Variants in SGIP1 observed in about 807,000 individuals in gnomAD.
SGIP1 encodes the protein SH3-containing GRB2-like protein 3-interacting protein 1.
A neutral mutation model predicts 107.5 loss-of-function variants in SGIP1; 38 were observed. The ratio of observed to expected loss-of-function variants is 0.35; its 90% CI spans 0.27 to 0.46. The LOEUF (loss-of-function observed/expected upper bound fraction) is 0.46. SGIP1 is among the 20% of genes least tolerant of loss of function. The probability of loss-of-function intolerance (pLI) is 1.00; values close to 1 mark genes in which losing one functional copy is unlikely to be tolerated. For missense variants in SGIP1, 929 were observed against 1,019.5 expected, an observed-to-expected ratio of 0.91 and a Z score of 1.21; for synonymous variants, 365 against 366.1, an observed-to-expected ratio of 1.00 and a Z score of 0.03.
intron 3 of SGIP1, 34 bp downstream of exon 3, chr1:66,633,128 G>A (rs1250615643): frequency 7.0e-7 from 1 of 1,421,102 alleles, no homozygotes. Context: ...TACTGAGTTT[G>A]TGCTTCAATA....
chr1:66,589,104 T>G (rs906193928), intron 1 of SGIP1, among the ~76,000 whole-genome samples: 2 of 146,452 alleles, frequency 1.4e-5, no homozygotes, highest in Non-Finnish European at 3.0e-5. Flanking sequence ...ATGTCATCAT[T>G]AATTTTTTCC....
At chr1:66,654,956 G>A (rs2079453539) in intron 7 of SGIP1, among the ~76,000 whole-genome samples, 1 of 152,084 alleles carries the variant, frequency 6.6e-6, no homozygotes, top group South Asian at 2.1e-4. Flanking sequence ...CCTATTTGAA[G>A]CCCATCTTTA....
chr1:66,565,908 A>G (rs547130191), intron 1 of SGIP1, among the ~76,000 whole-genome samples: 73 of 152,146 alleles, frequency 4.8e-4, no homozygotes, highest in African/African-American at 1.7e-3. Flanking sequence ...AGAAAGTAGA[A>G]AGCAGGAAAT....
chr1:66,534,456 C>A, intron 1 of SGIP1, 88 bp downstream of exon 1: 2 of 1,483,854 alleles, frequency 1.3e-6, no homozygotes, highest in South Asian at 1.1e-5. Context: ...GTGTATGTGG[C>A]GGTTCTAGAA....
At chr1:66,577,786 G>T (rs371546430) in intron 1 of SGIP1, among the ~76,000 whole-genome samples, 354 of 116,064 alleles carry the variant, frequency 3.1e-3, no homozygotes, top group Middle Eastern at 0.014. Flanking sequence ...GTGTGTGTGT[G>T]TGTGTGTGTG....
At chr1:66,617,530 A>G (rs1200956682) in intron 1 of SGIP1, among the ~76,000 whole-genome samples, 1 of 152,228 alleles carries the variant, frequency 6.6e-6, no homozygotes, top group Non-Finnish European at 1.5e-5. Context: ...TGCTGTCAAT[A>G]TGCGGCATTG....
chr1:66,707,124 G>A (rs1163536619), intron 18 of SGIP1, among the ~76,000 whole-genome samples: 1 of 152,092 alleles, frequency 6.6e-6, no homozygotes, highest in African/African-American at 2.4e-5. Context: ...ACAAATATGT[G>A]TGCTGCATTT....
chr1:66,623,355 T>C (rs1006227289), intron 1 of SGIP1, among the ~76,000 whole-genome samples: 3 of 152,074 alleles, frequency 2.0e-5, no homozygotes, highest in African/African-American at 7.2e-5. Context: ...ATTCAAGCAA[T>C]TCTCCCATCT....
rs977861433 is a variant in SGIP1 at position 66,569,786 on chromosome 1, A to G, written c.10+35418A>G. On this transcript the variant is annotated intron_variant, in intron 1 of 24. Transcript: ENST00000371037. ...TTTCTTCTATTTTTTGGAAAATATT[A>G]TAGAAAATTAGAAAATTTTCTTTTC... 3.3e-5 allele frequency among the ~76,000 whole-genome samples: 5 copies of G among 151,992 alleles called. No homozygotes were observed. The East Asian group carries it at 9.7e-4, about 29-fold the overall frequency.
chr1:66,645,962 T>C (rs10159265), intron 7 of SGIP1, among the ~76,000 whole-genome samples: 20,755 of 152,076 alleles, frequency 0.14, 1,456 homozygotes, highest in African/African-American at 0.16. Flanking sequence ...TGCCTCAGCC[T>C]CCCAAGTAGC....
intron 1 of SGIP1, among the ~76,000 whole-genome samples, chr1:66,585,876 A>G (rs1481171425): frequency 6.6e-6 from 1 of 152,160 alleles, no homozygotes; most frequent in East Asian, 1.9e-4. Context: ...TCCAAGTTTA[A>G]TACTGTCTCC....
chr1:66,546,505 C>T (rs2068381), intron 1 of SGIP1, among the ~76,000 whole-genome samples: 37,635 of 152,050 alleles, frequency 0.25, 5,123 homozygotes, highest in African/African-American at 0.36. Context: ...GTTCCTTAAC[C>T]CTTGGTGATC....
intron 20 of SGIP1, 34 bp downstream of exon 20, chr1:66,729,453 A>G: frequency 2.5e-6 from 4 of 1,613,534 alleles, no homozygotes; most frequent in Non-Finnish European, 3.4e-6. Flanking sequence ...TTTCAGAGAT[A>G]CATGTGGCTT....
intron 2 of SGIP1, chr1:66,628,462 C>G: frequency 6.5e-6 from 1 of 154,856 alleles, no homozygotes; most frequent in Middle Eastern, 5.2e-4. Context: ...AGACACTATA[C>G]GAGTCATATA....
At position 66,747,748 on chromosome 1, in the gene SGIP1, T is replaced by C. The variant is rs1468392222; in HGVS notation, c.*4653T>C. 1 of 151,956 alleles carries C rather than the reference T, an allele frequency of 6.6e-6. No individual in the cohort carries two copies. Among genetic ancestry groups the C allele is most frequent in the African/African-American group, 2.4e-5 (1 of 41,432 alleles). The allele number at this position is 151,956 out of a possible 1,614,324, so 9.4% of individuals were successfully genotyped here. ...TTAAATTGAACAATACAGTAGAATATGCAGATACATACTAAACAGATGAGT... is the reference window on the plus strand; with the variant it reads ...TTAAATTGAACAATACAGTAGAATACGCAGATACATACTAAACAGATGAGT... On this transcript the variant is annotated 3_prime_UTR_variant, in exon 25 of 25. Coordinates refer to ENST00000371037, the MANE Select transcript of SGIP1 (RefSeq NM_032291.4).
At chr1:66,709,193 C>G (rs1252401570) in intron 18 of SGIP1, among the ~76,000 whole-genome samples, 1 of 150,676 alleles carries the variant, frequency 6.6e-6, no homozygotes, top group Admixed American at 6.6e-5. Flanking sequence ...CCCCCCACCC[C>G]CGACAGGCCC....
chr1:66,651,306 T>C (rs1479019985), intron 7 of SGIP1, among the ~76,000 whole-genome samples: 2 of 152,110 alleles, frequency 1.3e-5, no homozygotes, highest in Admixed American at 1.3e-4. Flanking sequence ...GTGAGATCAG[T>C]ACTATTGATA....
chr1:66,624,395 A>G (rs1419906096), intron 1 of SGIP1, among the ~76,000 whole-genome samples: 1 of 152,234 alleles, frequency 6.6e-6, no homozygotes, highest in Non-Finnish European at 1.5e-5. Flanking sequence ...TTTAAATGTC[A>G]ATACATTTTC....
intron 1 of SGIP1, among the ~76,000 whole-genome samples, chr1:66,580,738 T>G (rs1321386318): frequency 6.6e-6 from 1 of 152,170 alleles, no homozygotes; most frequent in Non-Finnish European, 1.5e-5. Flanking sequence ...ATCTGGTACA[T>G]AGTAGGTACT....
Sources: allele counts gnomAD v4.1 joint callset (sites outside exome capture counted in the v4.1 genomes callset), GRCh38; gene constraint gnomAD v4.1.1; transcripts MANE v1.5; gene names NCBI Gene and HGNC (gene_info 2026-07-23, HGNC 2026-07-21).